Variants in SLC26A7 observed in about 807,000 individuals in gnomAD.
SLC26A7 encodes solute carrier family 26 member 7, also known as anion exchange transporter.
In SLC26A7, 59 loss-of-function variants were observed where a neutral mutation model predicts 82.5. That is an observed-to-expected ratio of 0.72 (90% CI 0.58 to 0.89). SLC26A7 has a LOEUF of 0.89. SLC26A7 is among the 40% of genes least tolerant of loss of function. The pLI, the probability that SLC26A7 is intolerant of heterozygous loss-of-function variation, is 0.00. For synonymous variants in SLC26A7, 271 were observed against 274.3 expected, an observed-to-expected ratio of 0.99 and a Z score of 0.12; for missense variants, 820 against 793.0, an observed-to-expected ratio of 1.03 and a Z score of -0.41.
At chr8:91,239,458 A>G (rs1810444653) in intron 2 of SLC26A7, among the ~76,000 whole-genome samples, 2 of 149,334 alleles carry the variant, frequency 1.3e-5, no homozygotes, top group Admixed American at 6.7e-5. Context: ...ATATACGTAT[A>G]TATATGTGTA....
intron 9 of SLC26A7, among the ~76,000 whole-genome samples, chr8:91,347,077 T>C (rs1813583427): frequency 6.6e-6 from 1 of 152,210 alleles, no homozygotes; most frequent in Non-Finnish European, 1.5e-5. Flanking sequence ...GTTCAGTGTA[T>C]CCTCAGTGGC....
chr8:91,260,479 T>A lies in SLC26A7; in HGVS notation c.193+10635T>A, dbSNP rs1810933697. On this transcript the variant is annotated intron_variant, in intron 2 of 18. Coordinates refer to ENST00000276609, the MANE Select transcript of SLC26A7 (RefSeq NM_052832.4). ...CCATACGTTCCTTGAGGGCAGAGAT[T>A]ATTTACAGCCTAGGAAGACCAATCA... 2.0e-5 allele frequency among the ~76,000 whole-genome samples: 3 copies of A among 152,088 alleles called. No homozygotes were observed. In the South Asian group the frequency reaches 6.2e-4, roughly 31 times the overall value.
chr8:91,292,224 T>C (rs988446466), intron 3 of SLC26A7, among the ~76,000 whole-genome samples: 2 of 150,182 alleles, frequency 1.3e-5, no homozygotes, highest in African/African-American at 4.9e-5. Context: ...GAGAATGGTG[T>C]GAACCCGGGA....
chr8:91,214,638 G>A (rs1019948147), intron 1 of SLC26A7, among the ~76,000 whole-genome samples: 11 of 152,108 alleles, frequency 7.2e-5, no homozygotes, highest in African/African-American at 2.7e-4. Context: ...TTTGGACAAT[G>A]AAGGGATTAG....
At chr8:91,238,384 A>C (rs1029013690) in intron 2 of SLC26A7, among the ~76,000 whole-genome samples, 3 of 152,016 alleles carry the variant, frequency 2.0e-5, no homozygotes, top group African/African-American at 7.2e-5. Context: ...TGGAGGTGGG[A>C]TATGAAAATA....
chr8:91,280,356 C>T lies in SLC26A7; in HGVS notation c.194-8780C>T, dbSNP rs183085635. On this transcript the variant is annotated intron_variant, in intron 2 of 18. Transcript: ENST00000276609. ...GATCTGTCTCTTGGCTCAAGTTTCT[C>T]GTATCTCAAAACTTGTAAGAAAACA... 9.8e-5 allele frequency among the ~76,000 whole-genome samples: 15 copies of T among 152,326 alleles called. 1 individual carries two copies. Among genetic ancestry groups the T allele is most frequent in the Admixed American group, 7.2e-4 (11 of 15,308 alleles).
chr8:91,344,939 T>A (rs897667120), intron 9 of SLC26A7, among the ~76,000 whole-genome samples: 2 of 151,958 alleles, frequency 1.3e-5, no homozygotes, highest in African/African-American at 4.8e-5. Flanking sequence ...AGCAGTTTTT[T>A]TTTTCTTTTT....
chr8:91,385,448 T>C (rs1217883408), intron 15 of SLC26A7, among the ~76,000 whole-genome samples: 1 of 152,250 alleles, frequency 6.6e-6, no homozygotes, highest in Non-Finnish European at 1.5e-5. Flanking sequence ...AATTTTCATT[T>C]GGGTGAATGG....
At chr8:91,379,414 G>A (rs1399229944) in intron 15 of SLC26A7, among the ~76,000 whole-genome samples, 1 of 152,040 alleles carries the variant, frequency 6.6e-6, no homozygotes, top group African/African-American at 2.4e-5. Flanking sequence ...GCATCAAGAT[G>A]TATTATAAAG....
chr8:91,226,593 AC>A (rs550581594), intron 2 of SLC26A7, among the ~76,000 whole-genome samples: 91 of 152,370 alleles, frequency 6.0e-4, no homozygotes, highest in Admixed American at 1.1e-3. Flanking sequence ...GCTACTATCT[AC>A]CAGGCACTGT....
chr8:91,382,726 T>G (rs969606610), intron 15 of SLC26A7, among the ~76,000 whole-genome samples: 6 of 152,196 alleles, frequency 3.9e-5, no homozygotes, highest in Non-Finnish European at 1.5e-5. Context: ...ATTTTCCTCC[T>G]AACTAGATTT....
At chr8:91,342,960 A>G (rs1813460056) in intron 8 of SLC26A7, 1 of 159,684 alleles carries the variant, frequency 6.3e-6, no homozygotes, top group African/African-American at 2.4e-5. Flanking sequence ...GAAATGAGCA[A>G]CTATGCCAAA....
chr8:91,283,039 TA>T (rs1367645111), intron 2 of SLC26A7, among the ~76,000 whole-genome samples: 1 of 152,170 alleles, frequency 6.6e-6, no homozygotes, highest in Non-Finnish European at 1.5e-5. Context: ...GCAAAAAATT[TA>T]AAAAAATCAT....
upstream of SLC26A7, among the ~76,000 whole-genome samples, chr8:91,248,639 T>C (rs12114102): frequency 0.013 from 2,051 of 152,136 alleles, 32 homozygotes; most frequent in African/African-American, 0.047. Context: ...GTAACACCCC[T>C]TATTAAAAAG....
intron 16 of SLC26A7, 28 bp from the exon 17 acceptor site, chr8:91,393,769 T>G (rs759797748): frequency 1.2e-6 from 2 of 1,608,920 alleles, no homozygotes; most frequent in South Asian, 1.1e-5. Flanking sequence ...CTGAATTAAT[T>G]GTGGGTATCC....
intron 5 of SLC26A7, among the ~76,000 whole-genome samples, chr8:91,319,649 G>C (rs1812736009): frequency 6.6e-6 from 1 of 152,216 alleles, no homozygotes. Flanking sequence ...GCTGTAAGCT[G>C]TCAGGTGACT....
intron 15 of SLC26A7, among the ~76,000 whole-genome samples, chr8:91,374,923 C>T (rs1207583885): frequency 2.6e-5 from 4 of 151,986 alleles, no homozygotes; most frequent in African/African-American, 7.2e-5. Flanking sequence ...CTGTTTGATG[C>T]ATATATATTT....
chr8:91,261,547 A>G (rs1810965233), intron 2 of SLC26A7, among the ~76,000 whole-genome samples: 1 of 152,108 alleles, frequency 6.6e-6, no homozygotes, highest in Admixed American at 6.6e-5. Context: ...TCTATATAAC[A>G]TAACATGAAA....
chr8:91,328,009 C>T (rs1297696713), intron 5 of SLC26A7, among the ~76,000 whole-genome samples: 1 of 151,884 alleles, frequency 6.6e-6, no homozygotes, highest in Non-Finnish European at 1.5e-5. Flanking sequence ...TACAACAAAA[C>T]CTAAACCAAC....
Sources: allele counts gnomAD v4.1 joint callset (sites outside exome capture counted in the v4.1 genomes callset), GRCh38; gene constraint gnomAD v4.1.1; transcripts MANE v1.5; gene names NCBI Gene and HGNC (gene_info 2026-07-23, HGNC 2026-07-21).